COG2: variants seen among roughly 807,000 people sequenced by gnomAD.
The protein encoded by COG2 is component of oligomeric golgi complex 2, also known as conserved oligomeric Golgi complex subunit 2.
In COG2, 52 loss-of-function variants were observed where a neutral mutation model predicts 90.6. The ratio of observed to expected loss-of-function variants is 0.57; its 90% CI spans 0.46 to 0.72. The LOEUF is 0.72. COG2 is among the 30% of genes least tolerant of loss of function. The probability of loss-of-function intolerance (pLI) is 0.00; values close to 1 mark genes in which losing one functional copy is unlikely to be tolerated. For synonymous variants in COG2, 337 were observed against 320.4 expected, an observed-to-expected ratio of 1.05 and a Z score of -0.55; for missense variants, 829 against 891.2, an observed-to-expected ratio of 0.93 and a Z score of 0.89.
chr1:230,650,953 T>C (rs1661901300), intron 1 of COG2, among the ~76,000 whole-genome samples: 1 of 152,234 alleles, frequency 6.6e-6, no homozygotes, highest in African/African-American at 2.4e-5. Flanking sequence ...CAGGGGCATT[T>C]ATTCTTATCT....
In COG2 at chr1:230,664,504, A is replaced by G. The variant is rs139595158; in HGVS notation, c.402A>G (p.Ile134Met). The G allele has an allele frequency of 1.6e-4, 243 of 1,542,848 alleles. 1 individual carries two copies. The African/African-American group carries it at 3.2e-3, about 20-fold the overall frequency. The change falls in exon 5 of 18, where the codon ATA (isoleucine) becomes ATG (methionine). Residue 134 changes from isoleucine (I) to methionine (M), a missense_variant. Ile to Met is a conservative substitution (Grantham distance 10, BLOSUM62 1). Coordinates refer to ENST00000366669, the MANE Select transcript of COG2 (RefSeq NM_007357.3). The stretch of plus-strand genomic sequence containing the variant: ...TATAGATGTGTGTATTGAGGCTTAT[A>G]CAAGTTATTCGGTCAGTTGAGAAAA... Reference protein sequence around the residue: ...RKKKMCVLRLIQVIRSVEKIE... With the variant: ...RKKKMCVLRLMQVIRSVEKIE...
At position 230,659,090 on chromosome 1, in the gene COG2, A is replaced by T. The variant is rs183939136; in HGVS notation, c.73-374A>T. 4.3e-3 allele frequency among the ~76,000 whole-genome samples: 653 copies of T among 152,214 alleles called. 4 individuals carry two copies. Among genetic ancestry groups the T allele is most frequent in the African/African-American group, 0.015 (616 of 41,540 alleles). On this transcript the variant is annotated intron_variant, in intron 1 of 17. Coordinates refer to ENST00000366669, the MANE Select transcript of COG2 (RefSeq NM_007357.3). ...TTTCAGTGATTTTTTTTTTACTCTG[A>T]TGGATATTTTTAATATAATTCTTTG...
At chr1:230,646,544 C>A (rs1661781041) in intron 1 of COG2, among the ~76,000 whole-genome samples, 1 of 152,134 alleles carries the variant, frequency 6.6e-6, no homozygotes, top group Admixed American at 6.5e-5. Context: ...CATGCAGCTT[C>A]AATGACCACG....
rs80026800 is a variant in COG2, at chr1:230,646,624, C to T, written c.72+3946C>T. ...TATCTGCAACCCCATGTGCACAGCG[C>T]CTTGACATCTCTTCTTGGCTATCTC... On this transcript the variant is annotated intron_variant, in intron 1 of 17. Coordinates refer to ENST00000366669, the MANE Select transcript of COG2 (RefSeq NM_007357.3). Among the ~76,000 whole-genome samples, 1,299 of 152,190 alleles carry T rather than the reference C, an allele frequency of 8.5e-3. 13 individuals carry two copies. The highest frequency in any genetic ancestry group is 0.027 in the African/African-American group (1,140 of 41,524).
chr1:230,685,204 A>AT lies in COG2; in HGVS notation c.1352dup (p.Leu451PhefsTer10). 1 of 1,614,118 alleles carries AT rather than the reference A, an allele frequency of 6.2e-7. No homozygotes were observed. The highest frequency in any genetic ancestry group is 8.5e-7 in the Non-Finnish European group (1 of 1,180,022). ...TCGCCTGTGGAGACTCACTCTGCAG[A>AT]TTTTGGCACGATACTCTGTGTTTGT... On this transcript the variant is annotated frameshift_variant, in exon 12 of 18. Transcript: ENST00000366669. LOFTEE classifies it high-confidence loss of function.
chr1:230,668,707 A>G lies in COG2; in HGVS notation c.517A>G (p.Ile173Val). 3 of 1,612,752 alleles carry G rather than the reference A, an allele frequency of 1.9e-6. No individual in the cohort carries two copies. The highest frequency in any genetic ancestry group is 2.2e-5 in the East Asian group (1 of 44,816). ...PLLTGQILER[I>V]ATEFNQLQFH... ...TTTGACTGGACAAATTTTGGAGAGAATTGCCACAGAATTTAATCAGTTACA... is the reference window on the plus strand; with the variant it reads ...TTTGACTGGACAAATTTTGGAGAGAGTTGCCACAGAATTTAATCAGTTACA... Residue 173 changes from isoleucine (I) to valine (V), a missense_variant, in exon 6 of 18, where the codon ATT (isoleucine) becomes GTT (valine). Ile to Val is a conservative substitution (Grantham distance 29). Transcript: ENST00000366669.
At chr1:230,683,517 G>A (rs1662805496) in intron 10 of COG2, 57 bp from the exon 11 acceptor site, 4 of 1,326,972 alleles carry the variant, frequency 3.0e-6, no homozygotes, top group Non-Finnish European at 4.3e-6. Flanking sequence ...AGAATGGATA[G>A]GGAAAGGCAT....
chr1:230,645,906 G>A (rs1661762990), intron 1 of COG2, among the ~76,000 whole-genome samples: 1 of 152,122 alleles, frequency 6.6e-6, no homozygotes, highest in Non-Finnish European at 1.5e-5. Context: ...AGGAGGCGGA[G>A]CTCCAATACA....
chr1:230,667,909 T>C (rs1049310033), intron 5 of COG2, among the ~76,000 whole-genome samples: 9 of 152,308 alleles, frequency 5.9e-5, no homozygotes, highest in Middle Eastern at 3.4e-3. Flanking sequence ...TTGAGTGATA[T>C]TGACATTTTA....
intron 1 of COG2, among the ~76,000 whole-genome samples, chr1:230,647,421 T>G (rs1661814491): frequency 1.3e-5 from 2 of 152,198 alleles, no homozygotes; most frequent in Admixed American, 1.3e-4. Context: ...CCTGGCTGAT[T>G]GAATAGCAGT....
At chr1:230,673,103 G>A (rs2102760817) in intron 8 of COG2, among the ~76,000 whole-genome samples, 1 of 152,256 alleles carries the variant, frequency 6.6e-6, no homozygotes, top group Non-Finnish European at 1.5e-5. Context: ...GAACATAGTA[G>A]AAATCATGAT....
chr1:230,644,397 A>G (rs554929553), intron 1 of COG2, among the ~76,000 whole-genome samples: 5 of 152,232 alleles, frequency 3.3e-5, no homozygotes, highest in Non-Finnish European at 7.3e-5. Context: ...TTGCACTTCC[A>G]TGGCAGAAAG....
At chr1:230,668,455 G>A (rs1485333609) in intron 5 of COG2, among the ~76,000 whole-genome samples, 2 of 135,040 alleles carry the variant, frequency 1.5e-5, no homozygotes, top group Non-Finnish European at 3.0e-5. Context: ...AGATTCCCCG[G>A]TGCACTTAGA....
chr1:230,690,543 G>T (rs1663002159), intron 16 of COG2, among the ~76,000 whole-genome samples: 1 of 152,200 alleles, frequency 6.6e-6, no homozygotes. Flanking sequence ...ACTTAGGTTG[G>T]TGAAACCCTT....
intron 3 of COG2, chr1:230,661,248 G>A (rs925964408): frequency 6.6e-6 from 1 of 152,498 alleles, no homozygotes; most frequent in African/African-American, 2.4e-5. Context: ...CAGAAGCTCT[G>A]TAAACCCTAA....
At chr1:230,662,191 A>G (rs753700601) in intron 3 of COG2, among the ~76,000 whole-genome samples, 2 of 152,082 alleles carry the variant, frequency 1.3e-5, no homozygotes, top group Admixed American at 6.5e-5. Flanking sequence ...CTCCTTCCAC[A>G]GCTGTCTCTA....
Position 230,663,352 on chromosome 1 carries a change from T to G in COG2, c.381+131T>G, listed in dbSNP as rs1245915127. On this transcript the variant is annotated intron_variant, in intron 4 of 17. Coordinates refer to ENST00000366669, the MANE Select transcript of COG2 (RefSeq NM_007357.3). ...AGAGAGGAGTGTGATGTGTCTCTTT[T>G]ATATTAAAGTGTTTATATTAAATAA... 23 of 374,722 alleles carry G rather than the reference T, an allele frequency of 6.1e-5. No homozygotes were observed. The Admixed American group carries it at 1.1e-3, about 17-fold the overall frequency. The allele number at this position is 374,722 out of a possible 1,614,324, so 23.2% of individuals were successfully genotyped here.
chr1:230,670,826 T>C (rs1275560116), intron 7 of COG2: 1 of 152,138 alleles, frequency 6.6e-6, no homozygotes, highest in Non-Finnish European at 1.5e-5. Flanking sequence ...TTGTCCAAAC[T>C]AATCTTGAAC....
At chr1:230,660,667 C>A in intron 2 of COG2, 91 bp from the exon 3 acceptor site, 1 of 716,836 alleles carries the variant, frequency 1.4e-6, no homozygotes, top group South Asian at 3.0e-5. Flanking sequence ...AAAGAATAAC[C>A]TAAGTCTAGC....
Sources: gnomAD v4.1 joint callset for allele counts (sites outside exome capture counted in the v4.1 genomes callset) on GRCh38, gnomAD v4.1.1 for gene constraint, MANE v1.5 for transcripts, NCBI Gene and HGNC (gene_info 2026-07-23, HGNC 2026-07-21) for gene names.